Variants in CEP97 observed in about 807,000 individuals in gnomAD.
CEP97 encodes centrosomal protein of 97 kDa.
A neutral mutation model predicts 73.1 loss-of-function variants in CEP97; 43 were observed. The ratio of observed to expected loss-of-function variants is 0.59; its 90% CI spans 0.46 to 0.76. CEP97 has a LOEUF of 0.76. CEP97 is among the 30% of genes least tolerant of loss of function. The pLI, the probability that CEP97 is intolerant of heterozygous loss-of-function variation, is 0.00. For missense variants in CEP97, 939 were observed against 1,014.0 expected, an observed-to-expected ratio of 0.93 and a Z score of 1.00; for synonymous variants, 337 against 370.0, an observed-to-expected ratio of 0.91 and a Z score of 1.02.
chr3:101,727,378 T>C lies in CEP97; in HGVS notation c.187-5T>C, dbSNP rs776962234. The C allele has an allele frequency of 2.6e-5, 42 of 1,605,496 alleles. No individual in the cohort carries two copies. Among genetic ancestry groups the C allele is most frequent in the Admixed American group, 3.4e-5 (2 of 58,316 alleles). ...TAAAAATAACAATATGTTTCCTTTTTACAGTTATCAGTAGCTAATAATCGG... is the reference window on the plus strand; with the variant it reads ...TAAAAATAACAATATGTTTCCTTTTCACAGTTATCAGTAGCTAATAATCGG... On this transcript the variant is annotated splice_polypyrimidine_tract_variant and splice_region_variant and intron_variant, in intron 2 of 10. Coordinates refer to ENST00000341893, the MANE Select transcript of CEP97 (RefSeq NM_024548.4).
chr3:101,727,051 CTT>C (rs1937914431), intron 2 of CEP97, among the ~76,000 whole-genome samples: 1 of 152,310 alleles, frequency 6.6e-6, no homozygotes, highest in South Asian at 2.1e-4. Flanking sequence ...CTGCGTCCCT[CTT>C]ATATGTCTGG....
At position 101,769,412 on chromosome 3, in the gene CEP97, A is replaced by C. The variant is rs1939405062; in HGVS notation, c.*3861A>C. ...ACTGCAACCTCCACTTCCTGGGTAC[A>C]AGCGATTCTCCTGCCTCAGCTTCCT... On this transcript the variant is annotated 3_prime_UTR_variant, in exon 11 of 11. Transcript: ENST00000341893. The C allele has an allele frequency of 6.6e-6, 1 of 151,538 alleles. No individual in the cohort carries two copies. Among genetic ancestry groups the C allele is most frequent in the Non-Finnish European group, 1.5e-5 (1 of 67,950 alleles). The allele number at this position is 151,538 out of a possible 1,614,324, so 9.4% of individuals were successfully genotyped here.
At chr3:101,744,790 T>C (rs1028293547) in intron 6 of CEP97, among the ~76,000 whole-genome samples, 5 of 152,184 alleles carry the variant, frequency 3.3e-5, no homozygotes, top group African/African-American at 1.2e-4. Flanking sequence ...GCCTGAGCAG[T>C]GCTGAAAATA....
chr3:101,762,459 CAA>C (rs1329841751), intron 9 of CEP97, 24 bp from the exon 10 acceptor site: 2 of 1,500,284 alleles, frequency 1.3e-6, no homozygotes, highest in Non-Finnish European at 1.8e-6. Flanking sequence ...TTCCTTATGT[CAA>C]TAATGTGTTT....
At chr3:101,730,170 G>T (rs1200444571) in intron 4 of CEP97, among the ~76,000 whole-genome samples, 5 of 152,116 alleles carry the variant, frequency 3.3e-5, no homozygotes, top group African/African-American at 7.2e-5. Context: ...CAGTCCTCCT[G>T]CCTCAGTCTC....
chr3:101,763,917 A>C (rs1939237741), intron 10 of CEP97, among the ~76,000 whole-genome samples: 1 of 95,508 alleles, frequency 1.0e-5, no homozygotes, highest in East Asian at 3.0e-4. Flanking sequence ...GCTGTTGCGC[A>C]TTATTGACCC....
At position 101,765,544 on chromosome 3, in the gene CEP97, C is replaced by G; in HGVS notation, c.2591C>G (p.Thr864Ser). The change falls in exon 11 of 11, where the codon ACT (threonine) becomes AGT (serine). Residue 864 changes from threonine (T) to serine (S), a missense_variant. Transcript: ENST00000341893. ...TTTCAGCTATTGCATGTTGGTGTTA[C>G]TGTGTAGCATGTCTTTTGGGAGGCA... The part of the protein sequence containing the change: ...STFQLLHVGV[T>S]V 6.2e-7 allele frequency: 1 copy of G among 1,606,666 alleles called. No individual in the cohort carries two copies. The highest frequency in any genetic ancestry group is 1.1e-5 in the South Asian group (1 of 90,390).
At chr3:101,732,245 G>C (rs1339525185) in intron 5 of CEP97, among the ~76,000 whole-genome samples, 1 of 152,182 alleles carries the variant, frequency 6.6e-6, no homozygotes, top group Non-Finnish European at 1.5e-5. Flanking sequence ...TGGCTGCTGT[G>C]ATGTTTTCAA....
In CEP97 at chr3:101,758,149, A is replaced by G. The variant is rs543887185; in HGVS notation, c.1543A>G (p.Ile515Val). 10 of 1,613,996 alleles carry G rather than the reference A, an allele frequency of 6.2e-6. No homozygotes were observed. The African/African-American group carries it at 1.2e-4, about 19-fold the overall frequency. The change falls in exon 9 of 11, where the codon ATA (isoleucine) becomes GTA (valine). Residue 515 changes from isoleucine (I) to valine (V), a missense_variant. Ile to Val is a conservative substitution (Grantham distance 29, BLOSUM62 3). Coordinates refer to ENST00000341893, the MANE Select transcript of CEP97 (RefSeq NM_024548.4). ...GTCAACTGAGCAGAAACAATCAGACATAAAGAAACCAGAAAATACACAACC... is the reference window on the plus strand; with the variant it reads ...GTCAACTGAGCAGAAACAATCAGACGTAAAGAAACCAGAAAATACACAACC... ...PESTEQKQSD[I>V]KKPENTQPEN...
At chr3:101,726,342 A>G (rs1252022026) in intron 1 of CEP97, among the ~76,000 whole-genome samples, 1 of 152,218 alleles carries the variant, frequency 6.6e-6, no homozygotes, top group Non-Finnish European at 1.5e-5. Context: ...AAAATTTTCA[A>G]AGTATATCTT....
chr3:101,760,819 T>G (rs778786493), intron 9 of CEP97, among the ~76,000 whole-genome samples: 2 of 151,836 alleles, frequency 1.3e-5, no homozygotes, highest in Non-Finnish European at 2.9e-5. Flanking sequence ...GGATTACAGG[T>G]GTGAATTACC....
rs1560020219 is a variant in CEP97, at chr3:101,758,101, C to A, written c.1495C>A (p.His499Asn). 6.2e-7 allele frequency: 1 copy of A among 1,614,212 alleles called. No homozygotes were observed. Among genetic ancestry groups the A allele is most frequent in the East Asian group, 2.2e-5 (1 of 44,882 alleles). The change falls in exon 9 of 11, where the codon CAC becomes AAC. Residue 499 changes from histidine to asparagine, a missense_variant. Coordinates refer to ENST00000341893, the MANE Select transcript of CEP97 (RefSeq NM_024548.4). ...IISAILKDDNHSLTFFPESTE... is the reference protein window; with the variant it reads ...IISAILKDDNNSLTFFPESTE... Reference sequence around the variant, plus strand: ...CAGTGCTATCTTGAAGGATGATAACCACAGTCTTACATTTTTTCCTGAGTC... The same window carrying A: ...CAGTGCTATCTTGAAGGATGATAACAACAGTCTTACATTTTTTCCTGAGTC...
chr3:101,746,516 C>G (rs1225814563), intron 6 of CEP97, among the ~76,000 whole-genome samples: 2 of 150,308 alleles, frequency 1.3e-5, no homozygotes, highest in Non-Finnish European at 1.5e-5. Context: ...ACACCTTATA[C>G]AAAAATCAAT....
At chr3:101,736,713 T>C (rs1576680576) in intron 6 of CEP97, among the ~76,000 whole-genome samples, 1 of 152,290 alleles carries the variant, frequency 6.6e-6, no homozygotes, top group East Asian at 1.9e-4. Flanking sequence ...CAAAGACCAA[T>C]AGTAGATAAA....
chr3:101,740,885 G>A (rs148426938), intron 6 of CEP97, among the ~76,000 whole-genome samples: 3 of 152,142 alleles, frequency 2.0e-5, no homozygotes, highest in South Asian at 2.1e-4. Flanking sequence ...CAGCGCACCC[G>A]GTCCCATTGA....
At chr3:101,762,588 A>G (rs776347412) in intron 10 of CEP97, 28 bp downstream of exon 10, 1 of 1,499,964 alleles carries the variant, frequency 6.7e-7, no homozygotes, top group South Asian at 1.2e-5. Context: ...GATTTACCTC[A>G]TATATGATCA....
At position 101,761,973 on chromosome 3, in the gene CEP97, C is replaced by T. The variant is rs921820815; in HGVS notation, c.1818-512C>T. On this transcript the variant is annotated intron_variant, in intron 9 of 10. Transcript: ENST00000341893. Reference sequence around the variant, plus strand: ...GGTCTCTTGTTAGCAAGGAGTAGGTCGGAGACCTGGGGAAACAGAATAGTG... The same window carrying T: ...GGTCTCTTGTTAGCAAGGAGTAGGTTGGAGACCTGGGGAAACAGAATAGTG... Among the ~76,000 whole-genome samples, 3 of 152,132 alleles carry T rather than the reference C, an allele frequency of 2.0e-5. No individual in the cohort carries two copies. The East Asian group carries it at 5.8e-4, about 29-fold the overall frequency.
intron 8 of CEP97, among the ~76,000 whole-genome samples, 176 bp downstream of exon 8, chr3:101,757,372 T>C (rs537314684): frequency 6.6e-6 from 1 of 152,360 alleles, no homozygotes; most frequent in East Asian, 1.9e-4. Context: ...ATGTATATTA[T>C]AACTGCTATA....
intron 10 of CEP97, among the ~76,000 whole-genome samples, chr3:101,764,611 CAAAA>C (rs35660615): frequency 2.1e-5 from 2 of 96,488 alleles, no homozygotes; most frequent in African/African-American, 4.1e-5. Context: ...AACTCCATCT[CAAAA>C]AAAAAAAAAA....
Sources: allele counts gnomAD v4.1 joint callset (sites outside exome capture counted in the v4.1 genomes callset), GRCh38; gene constraint gnomAD v4.1.1; transcripts MANE v1.5; gene names NCBI Gene and HGNC (gene_info 2026-07-23, HGNC 2026-07-21).